The following TRDN variants were observed in gnomAD, a reference collection of about 807,000 sequenced individuals.
The protein encoded by TRDN is triadin.
TRDN carries 161 observed loss-of-function variants against 149.7 expected under a neutral mutation model. That is an observed-to-expected ratio of 1.08 (90% confidence interval 0.95 to 1.23). TRDN has a LOEUF of 1.23. TRDN is among the 50% of genes most tolerant of loss of function. The probability of loss-of-function intolerance (pLI) is 0.00; values close to 1 mark genes in which losing one functional copy is unlikely to be tolerated. For missense variants in TRDN, 896 were observed against 823.5 expected (o/e 1.09, Z -1.08); for synonymous variants, 294 against 250.5 (o/e 1.17, Z -1.64).
intron 2 of TRDN, among the ~76,000 whole-genome samples, chr6:123,557,467 TTCTC>T (rs1781733102): frequency 6.6e-6 from 1 of 152,046 alleles, no homozygotes; most frequent in Non-Finnish European, 1.5e-5. Flanking sequence ...TTCAACCTCT[TTCTC>T]CTTTCAATCT....
At chr6:123,590,315 G>T (rs1382537251) in intron 1 of TRDN, among the ~76,000 whole-genome samples, 1 of 152,138 alleles carries the variant, frequency 6.6e-6, no homozygotes, top group Non-Finnish European at 1.5e-5. Context: ...TAGGTTGTTG[G>T]TTCCTTATGA....
chr6:123,581,412 G>T (rs893421574), intron 1 of TRDN, among the ~76,000 whole-genome samples: 6 of 152,114 alleles, frequency 3.9e-5, no homozygotes, highest in Non-Finnish European at 8.8e-5. Flanking sequence ...TAGGGATCAA[G>T]TCATCTATCC....
At chr6:123,245,563 C>G (rs1340876989) in intron 38 of TRDN, among the ~76,000 whole-genome samples, 1 of 151,938 alleles carries the variant, frequency 6.6e-6, no homozygotes, top group Non-Finnish European at 1.5e-5. Context: ...TATGATGCAC[C>G]CAATACAGGA....
intron 2 of TRDN, among the ~76,000 whole-genome samples, chr6:123,563,081 A>G (rs893599629): frequency 2.6e-5 from 4 of 152,228 alleles, no homozygotes; most frequent in African/African-American, 9.6e-5. Flanking sequence ...AAACACAAAC[A>G]TCCCTACTTA....
chr6:123,259,292 GTCT>G (rs1776674326), intron 35 of TRDN, among the ~76,000 whole-genome samples: 2 of 151,950 alleles, frequency 1.3e-5, no homozygotes, highest in South Asian at 4.2e-4. Context: ...TTATTAACAA[GTCT>G]TCTTAAGGTG....
chr6:123,488,555 C>A (rs1230334961), intron 9 of TRDN, among the ~76,000 whole-genome samples: 1 of 152,094 alleles, frequency 6.6e-6, no homozygotes, highest in African/African-American at 2.4e-5. Context: ...TCTATAAATC[C>A]CATGACTCTA....
chr6:123,295,370 C>CA (rs1481268960), intron 24 of TRDN, among the ~76,000 whole-genome samples: 1 of 152,192 alleles, frequency 6.6e-6, no homozygotes, highest in African/African-American at 2.4e-5. Context: ...TTAACATCCC[C>CA]AGAGCTGTAA....
chr6:123,271,601 A>G (rs1044531346), intron 29 of TRDN, among the ~76,000 whole-genome samples: 3 of 152,048 alleles, frequency 2.0e-5, no homozygotes, highest in Non-Finnish European at 4.4e-5. Flanking sequence ...GAATAGGTGG[A>G]GAACCCAAAT....
intron 5 of TRDN, among the ~76,000 whole-genome samples, chr6:123,524,621 A>G (rs552505805): frequency 6.6e-6 from 1 of 152,282 alleles, no homozygotes; most frequent in African/African-American, 2.4e-5. Context: ...TAGTAAGAAA[A>G]GCAAAACAAA....
chr6:123,554,221 G>T (rs564408181), intron 2 of TRDN, among the ~76,000 whole-genome samples: 1 of 152,094 alleles, frequency 6.6e-6, no homozygotes, highest in South Asian at 2.1e-4. Context: ...CCCAAACCAG[G>T]AACAATTAAA....
intron 12 of TRDN, among the ~76,000 whole-genome samples, chr6:123,409,226 A>ACT (rs1296813100): frequency 2.0e-5 from 3 of 152,150 alleles, no homozygotes; most frequent in Non-Finnish European, 4.4e-5. Flanking sequence ...AAAACCTATA[A>ACT]AGTTCACAGT....
chr6:123,615,520 T>A (rs1293676033), intron 1 of TRDN, among the ~76,000 whole-genome samples: 1 of 148,598 alleles, frequency 6.7e-6, no homozygotes, highest in East Asian at 2.0e-4. Flanking sequence ...CCCATTCACG[T>A]TTGAAAAACA....
At chr6:123,459,826 G>T (rs1776347141) in intron 10 of TRDN, among the ~76,000 whole-genome samples, 1 of 152,096 alleles carries the variant, frequency 6.6e-6, no homozygotes, top group Non-Finnish European at 1.5e-5. Flanking sequence ...ACTGAGCCTT[G>T]GTAGGAGACA....
At chr6:123,590,972 C>G (rs1262969709) in intron 1 of TRDN, among the ~76,000 whole-genome samples, 1 of 151,740 alleles carries the variant, frequency 6.6e-6, no homozygotes. Flanking sequence ...ATTGAGTAGC[C>G]CAAGCGCTTT....
chr6:123,247,976 C>G (rs745516175), intron 38 of TRDN, among the ~76,000 whole-genome samples: 24 of 151,960 alleles, frequency 1.6e-4, no homozygotes, highest in Non-Finnish European at 2.9e-4. Flanking sequence ...TTTGACAGAC[C>G]TGACAAAAAC....
At chr6:123,336,546 T>C (rs896218125) in intron 22 of TRDN, among the ~76,000 whole-genome samples, 3 of 151,972 alleles carry the variant, frequency 2.0e-5, no homozygotes, top group South Asian at 2.1e-4. Flanking sequence ...AAATCTCCTA[T>C]TACACCCTCT....
At chr6:123,500,743 T>A (rs797015985) in intron 8 of TRDN, among the ~76,000 whole-genome samples, 1 of 152,156 alleles carries the variant, frequency 6.6e-6, no homozygotes, top group Admixed American at 6.6e-5. Context: ...GGAAAATACA[T>A]TCTGGGTGCA....
chr6:123,388,055 C>A (rs1021015600), intron 14 of TRDN, among the ~76,000 whole-genome samples: 1 of 149,146 alleles, frequency 6.7e-6, no homozygotes, highest in Non-Finnish European at 1.5e-5. Context: ...AAATGAAAAG[C>A]GGTATATAAG....
intron 27 of TRDN, 75 bp from the exon 28 acceptor site, chr6:123,273,438 T>A: frequency 1.4e-6 from 1 of 737,062 alleles, no homozygotes; most frequent in Non-Finnish European, 1.9e-6. Context: ...ATACAACTGG[T>A]TATTGTAAAT....
Sources: gnomAD v4.1 joint callset for allele counts (sites outside exome capture counted in the v4.1 genomes callset) on GRCh38, gnomAD v4.1.1 for gene constraint, MANE v1.5 for transcripts, NCBI Gene and HGNC (gene_info 2026-07-23, HGNC 2026-07-21) for gene names.